SYNE1: variants seen among roughly 807,000 people sequenced by gnomAD.
The protein encoded by SYNE1 is spectrin repeat containing nuclear envelope protein 1.
Under a neutral mutation model 1,111.0 loss-of-function variants are expected in SYNE1, and 616 were observed. The ratio of observed to expected loss-of-function variants is 0.55; its 90% CI spans 0.52 to 0.59. The LOEUF (loss-of-function observed/expected upper bound fraction) is 0.59, where lower values mean the gene tolerates loss of function less well. SYNE1 is among the 20% of genes least tolerant of loss of function. SYNE1 has a pLI of 0.00. For missense variants in SYNE1, 10,006 were observed against 10,417.0 expected (o/e 0.96, Z 1.72); for synonymous variants, 3,855 against 3,825.8 (o/e 1.01, Z -0.28).
chr6:152,373,830 C>T (rs1218181029), intron 58 of SYNE1, among the ~76,000 whole-genome samples: 2 of 152,156 alleles, frequency 1.3e-5, no homozygotes, highest in African/African-American at 4.8e-5. Flanking sequence ...GGCTAAGACT[C>T]GTTTACAAAA....
chr6:152,360,473 T>C (rs967781756), intron 64 of SYNE1, among the ~76,000 whole-genome samples: 74 of 152,340 alleles, frequency 4.9e-4, no homozygotes, highest in African/African-American at 1.7e-3. Context: ...AGGCCTTTCC[T>C]GTCCCTCTCC....
intron 46 of SYNE1, 139 bp from the exon 47 acceptor site, chr6:152,401,480 C>T (rs904871472): frequency 4.9e-6 from 4 of 813,926 alleles, no homozygotes; most frequent in Non-Finnish European, 8.0e-6. Context: ...GTTAATATGC[C>T]TTTCCAAGAA....
Position 152,471,636 on chromosome 6 carries a change from C to G in SYNE1, c.1593G>C (p.Gly531=). 1 of 1,613,984 alleles carries G rather than the reference C, an allele frequency of 6.2e-7. No individual in the cohort carries two copies. The highest frequency in any genetic ancestry group is 8.5e-7 in the Non-Finnish European group (1 of 1,179,892). ...SKLKSWIIKY[G]RRESVEQLLQ... ...GAAGCTGCTCCACTGACTCTCTCCT[C>G]CCGTACTTAATGATCCAAGACTTCA... Residue 531 remains glycine (G), a synonymous_variant, in exon 16 of 146, where the codon GGG becomes GGC. Coordinates refer to ENST00000367255, the MANE Select transcript of SYNE1 (RefSeq NM_182961.4).
intron 3 of SYNE1, among the ~76,000 whole-genome samples, chr6:152,578,654 A>G (rs1352327378): frequency 6.6e-6 from 1 of 152,156 alleles, no homozygotes; most frequent in Non-Finnish European, 1.5e-5. Flanking sequence ...TAATTCCAGT[A>G]TCTAACTTTG....
chr6:152,180,002 A>C (rs2067543845), intron 129 of SYNE1, 134 bp downstream of exon 129: 17 of 1,034,348 alleles, frequency 1.6e-5, no homozygotes, highest in Admixed American at 4.5e-5. Flanking sequence ...TTTTATATTA[A>C]AAAGATAAAA....
At position 152,231,515 on chromosome 6, in the gene SYNE1, T is replaced by C; in HGVS notation, c.20915A>G (p.Gln6972Arg). 6.2e-7 allele frequency: 1 copy of C among 1,614,194 alleles called. No homozygotes were observed. The highest frequency in any genetic ancestry group is 1.1e-5 in the South Asian group (1 of 91,082). ...CKQLTVDFVN[Q>R]SVLQISSQDV... ...CTGACTGCTGATTTGTAGCACGGAC[T>C]GGTTCACAAAATCCACTGTCAGCTG... Residue 6972 changes from glutamine (Q) to arginine (R), a missense_variant, in exon 114 of 146, where the codon CAG becomes CGG. Coordinates refer to ENST00000367255, the MANE Select transcript of SYNE1 (RefSeq NM_182961.4).
At chr6:152,425,683 T>A in intron 38 of SYNE1, 136 bp from the exon 39 acceptor site, 1 of 998,274 alleles carries the variant, frequency 1.0e-6, no homozygotes, top group East Asian at 2.6e-5. Flanking sequence ...GAAGAGAGTT[T>A]TTATTACTTG....
chr6:152,534,631 G>C (rs1169292365), intron 4 of SYNE1, among the ~76,000 whole-genome samples: 1 of 152,098 alleles, frequency 6.6e-6, no homozygotes, highest in African/African-American at 2.4e-5. Context: ...AATTATTTGG[G>C]GGGGTGAATT....
Position 152,206,198 on chromosome 6 carries a change from T to C in SYNE1, c.22989A>G (p.Glu7663=). The change falls in exon 126 of 146, where the codon GAA becomes GAG. Residue 7663 remains glutamate (E), a synonymous_variant. Transcript: ENST00000367255. ...KWKSASMRLE[E]QKKKLAFLLK... ...ACAAGAAGGCTAGTTTTTTCTTCTG[T>C]TCTTCCAGCCGCATGCTGGCTGATT... is the stretch of plus-strand genomic sequence containing the variant. The C allele has an allele frequency of 6.2e-7, 1 of 1,613,786 alleles. No homozygotes were observed. Among genetic ancestry groups the C allele is most frequent in the Non-Finnish European group, 8.5e-7 (1 of 1,180,018 alleles).
chr6:152,536,445 TAATATATATTTATATATATATAC>T (rs1235733079), intron 4 of SYNE1, among the ~76,000 whole-genome samples: 2 of 138,750 alleles, frequency 1.4e-5, no homozygotes, highest in African/African-American at 2.7e-5. Flanking sequence ...CTATATATAG[TAATATATATTTATATATATATAC>T]AATATATATA....
rs550558105 is a variant in SYNE1 at position 152,615,401 on chromosome 6, T to C, written c.67+12864A>G. 5.3e-5 allele frequency among the ~76,000 whole-genome samples: 8 copies of C among 150,340 alleles called. No homozygotes were observed. In the East Asian group the frequency reaches 1.6e-3, roughly 30 times the overall value. On this transcript the variant is annotated intron_variant, in intron 3 of 145. Transcript: ENST00000367255. ...ATCATATTAAATGCATAAAGATGAC[T>C]CCAAGACTCAATGTTGTCTTGAAAC...
chr6:152,505,415 A>T lies in SYNE1; in HGVS notation c.582-18T>A. The T allele has an allele frequency of 6.2e-7, 1 of 1,613,064 alleles. No homozygotes were observed. Among genetic ancestry groups the T allele is most frequent in the Non-Finnish European group, 8.5e-7 (1 of 1,179,656 alleles). ...CAGTCTGCCTTTGTGTTATAAAAAC[A>T]TAAAATGATGTCACATTCTGAATAG... On this transcript the variant is annotated intron_variant, in intron 8 of 145. Coordinates refer to ENST00000367255, the MANE Select transcript of SYNE1 (RefSeq NM_182961.4).
chr6:152,560,461 A>G (rs1207474804), intron 3 of SYNE1, among the ~76,000 whole-genome samples: 2 of 152,182 alleles, frequency 1.3e-5, no homozygotes, highest in Non-Finnish European at 2.9e-5. Context: ...CTTTCAACAA[A>G]GAAAATCCCA....
chr6:152,273,919 C>T (rs933255259), intron 98 of SYNE1, among the ~76,000 whole-genome samples: 12 of 152,274 alleles, frequency 7.9e-5, no homozygotes, highest in African/African-American at 2.6e-4. Flanking sequence ...GATCAGGCCG[C>T]CCCTTCCCTT....
At chr6:152,384,771 C>T (rs1410749635) in intron 55 of SYNE1, among the ~76,000 whole-genome samples, 6 of 151,500 alleles carry the variant, frequency 4.0e-5, no homozygotes, top group Admixed American at 1.3e-4. Flanking sequence ...CGCAGCTACT[C>T]GGGAGGCTGA....
intron 3 of SYNE1, among the ~76,000 whole-genome samples, chr6:152,573,660 G>C (rs1446481600): frequency 1.3e-5 from 2 of 152,070 alleles, no homozygotes; most frequent in African/African-American, 4.8e-5. Context: ...GTAATATTGG[G>C]ACTCTCATAA....
At chr6:152,572,896 C>T (rs919448039) in intron 3 of SYNE1, among the ~76,000 whole-genome samples, 2 of 152,146 alleles carry the variant, frequency 1.3e-5, no homozygotes, top group African/African-American at 2.4e-5. Context: ...AAAAACAAAT[C>T]AGCCACAAAT....
chr6:152,290,183 A>C (rs2094533870), intron 95 of SYNE1, among the ~76,000 whole-genome samples: 1 of 152,236 alleles, frequency 6.6e-6, no homozygotes, highest in Non-Finnish European at 1.5e-5. Flanking sequence ...CATGATAATA[A>C]GGTCGCAATG....
At position 152,405,391 on chromosome 6, in the gene SYNE1, T is replaced by C. The variant is rs560401027; in HGVS notation, c.6724-1077A>G. Among the ~76,000 whole-genome samples the C allele has an allele frequency of 7.9e-5, 12 of 152,330 alleles. 2 individuals are homozygous for C. The highest frequency in any genetic ancestry group is 2.9e-4 in the African/African-American group (12 of 41,568). ...TTTACCACCATGGTAAGCTACAACA[T>C]GACGTCACAGAACATGGAGTTGAAG... On this transcript the variant is annotated intron_variant, in intron 45 of 145. Coordinates refer to ENST00000367255, the MANE Select transcript of SYNE1 (RefSeq NM_182961.4).
Sources: allele counts gnomAD v4.1 joint callset (sites outside exome capture counted in the v4.1 genomes callset), GRCh38; gene constraint gnomAD v4.1.1; transcripts MANE v1.5; gene names NCBI Gene and HGNC (gene_info 2026-07-23, HGNC 2026-07-21).